MED16: variants seen among roughly 807,000 people sequenced by gnomAD.
MED16 encodes the protein mediator complex subunit 16.
A neutral mutation model predicts 84.4 loss-of-function variants in MED16; 81 were observed. The observed-to-expected ratio is 0.96, with a 90% CI of 0.80 to 1.15. The LOEUF is 1.15. MED16 is among the 50% of genes most tolerant of loss of function. MED16 has a pLI of 0.00. For synonymous variants in MED16, 897 were observed against 552.2 expected (o/e 1.62, Z -8.76); for missense variants, 1,585 against 1,245.9 (o/e 1.27, Z -4.10).
At chr19:871,327 GC>G in intron 12 of MED16, 74 bp from the exon 13 acceptor site, 1 of 1,439,212 alleles carries the variant, frequency 6.9e-7, no homozygotes, top group Non-Finnish European at 9.3e-7. Context: ...CGTGCTGGGA[GC>G]CCCTCCAGTT....
chr19:886,225 G>C, intron 4 of MED16, 24 bp from the exon 5 acceptor site: 1 of 1,489,872 alleles, frequency 6.7e-7, no homozygotes, highest in South Asian at 1.3e-5. Flanking sequence ...AGGGAGGGAG[G>C]AGGGGCCGCT....
chr19:883,595 A>T (rs1386641569), intron 6 of MED16, among the ~76,000 whole-genome samples: 3 of 152,044 alleles, frequency 2.0e-5, no homozygotes, highest in Admixed American at 6.5e-5. Flanking sequence ...CATGTGTGTG[A>T]GACGTGGCTC....
In MED16 at chr19:884,887, C is replaced by T. The variant is rs371786864; in HGVS notation, c.985+16G>A. On this transcript the variant is annotated intron_variant, in intron 6 of 15. Transcript: ENST00000325464. ...GAGGGCAGGCCCAGGGCCTCCGCAG[C>T]CGGCGGGAGACTCACCCACGGGGGA... The T allele has an allele frequency of 6.3e-7, 1 of 1,591,336 alleles. No individual in the cohort carries two copies. The highest frequency in any genetic ancestry group is 1.1e-5 in the South Asian group (1 of 89,036).
At position 875,390 on chromosome 19, in the gene MED16, G is replaced by C. The variant is rs1431015284; in HGVS notation, c.1625C>G (p.Thr542Ser). ...SLCKLSPCTV[T>S]RVCDYHTKLF... is the part of the protein sequence containing the mutation. ...CTTGGTGTGGTAGTCGCACACGCGG[G>C]TCACCGTGCAGGGCGACAGCTTGCA... The change falls in exon 10 of 16, where the codon ACC (threonine) becomes AGC (serine). Residue 542 changes from threonine to serine, a missense_variant. Coordinates refer to ENST00000325464, the MANE Select transcript of MED16 (RefSeq NM_005481.3). 6.2e-7 allele frequency: 1 copy of C among 1,608,520 alleles called. No homozygotes were observed. The highest frequency in any genetic ancestry group is 1.3e-5 in the African/African-American group (1 of 74,896).
chr19:883,611 C>A (rs1193894176), intron 6 of MED16, among the ~76,000 whole-genome samples: 3 of 152,038 alleles, frequency 2.0e-5, no homozygotes, highest in Non-Finnish European at 4.4e-5. Context: ...GGCTCTCGGG[C>A]GGGTAACAGC....
intron 9 of MED16, among the ~76,000 whole-genome samples, chr19:876,091 C>T (rs927711934): frequency 1.3e-5 from 2 of 152,200 alleles, no homozygotes; most frequent in Non-Finnish European, 2.9e-5. Context: ...TCGCAGCCCC[C>T]GCCTGGGTCT....
chr19:890,816 G>GCTCT (rs1362874659), intron 2 of MED16, 147 bp downstream of exon 2: 31 of 847,162 alleles, frequency 3.7e-5, no homozygotes, highest in Non-Finnish European at 3.3e-5. Context: ...GGAGGCTGAG[G>GCTCT]CTCTCACACA....
chr19:882,440 C>T (rs1001175664), intron 6 of MED16, among the ~76,000 whole-genome samples: 4 of 152,196 alleles, frequency 2.6e-5, no homozygotes, highest in Non-Finnish European at 5.9e-5. Flanking sequence ...GGTAGGATTG[C>T]TCGAGCCCAG....
Position 868,866 on chromosome 19 carries a change from G to C in MED16, c.2396C>G (p.Thr799Ser). Residue 799 changes from threonine to serine, a missense_variant, in exon 14 of 16, where the codon ACC becomes AGC. Physicochemically the swap from Thr to Ser is moderately conservative, Grantham distance 58. Transcript: ENST00000325464. ...ACPTEECKAC[T>S]RCGCVTMLKS... ...AGCGGTTCCGGGGGCCCCTCACCTG[G>C]TGCAGGCCTTGCATTCCTCCGTGGG... 2 of 1,548,786 alleles carry C rather than the reference G, an allele frequency of 1.3e-6. No homozygotes were observed. The highest frequency in any genetic ancestry group is 2.0e-5 in the Admixed American group (1 of 50,850).
chr19:878,714 C>T (rs1378959200), intron 8 of MED16, among the ~76,000 whole-genome samples: 39 of 135,768 alleles, frequency 2.9e-4, no homozygotes, highest in Admixed American at 1.6e-3. Context: ...AGCTCGCCTT[C>T]CCCTGGTTGT....
chr19:871,396 C>G, intron 12 of MED16, 143 bp from the exon 13 acceptor site: 1 of 1,302,772 alleles, frequency 7.7e-7, no homozygotes, highest in Non-Finnish European at 1.0e-6. Context: ...CCCCGGGGTT[C>G]TCTCACCAGG....
intron 10 of MED16, among the ~76,000 whole-genome samples, 192 bp from the exon 11 acceptor site, chr19:873,774 C>CA (rs1328935062): frequency 2.0e-5 from 3 of 152,222 alleles, no homozygotes; most frequent in African/African-American, 7.2e-5. Context: ...TGCCTGCCCC[C>CA]CCCCGGGGGC....
At chr19:872,381 G>GAGGCCAATATCCCC (rs1204603125) in intron 11 of MED16, among the ~76,000 whole-genome samples, 2 of 152,072 alleles carry the variant, frequency 1.3e-5, no homozygotes, top group African/African-American at 4.8e-5. Flanking sequence ...GGCTCTGGCT[G>GAGGCCAATATCCCC]AGGCCAATAT....
chr19:868,767 C>T, intron 14 of MED16, 96 bp downstream of exon 14: 1 of 1,351,808 alleles, frequency 7.4e-7, no homozygotes, highest in South Asian at 1.3e-5. Flanking sequence ...CCCTCCACCA[C>T]CCTTGACCGT....
In MED16 at chr19:884,911, G is replaced by T. The variant is rs772558453; in HGVS notation, c.977C>A (p.Ser326Tyr). The T allele has an allele frequency of 4.4e-6, 7 of 1,607,236 alleles. No homozygotes were observed. The highest frequency in any genetic ancestry group is 5.9e-6 in the Non-Finnish European group (7 of 1,178,550). ...GCCGGCGGGAGACTCACCCACGGGG[G>T]AGATCTGCTGGAAGATGTTGTTCAC... ...LPVNNIFQQI[S>Y]PVVGDKQPTI... Residue 326 changes from serine to tyrosine, a missense_variant, in exon 6 of 16, where the codon TCC (serine) becomes TAC (tyrosine). By Grantham distance (144) the Ser-to-Tyr change is moderately radical. Transcript: ENST00000325464.
At position 872,608 on chromosome 19, in the gene MED16, TG is replaced by T. The variant is rs570669644; in HGVS notation, c.1906-491del. 3.6e-4 allele frequency among the ~76,000 whole-genome samples: 21 copies of T among 58,382 alleles called. No homozygotes were observed. In the East Asian group the frequency reaches 9.5e-3, roughly 26 times the overall value. 38.3% of individuals were successfully genotyped at this position (58,382 alleles called of 152,430 possible). On this transcript the variant is annotated intron_variant, in intron 11 of 15. Transcript: ENST00000325464. ...CCAGGGCAGGATGAAGCCGGGTGGG[TG>T]GGGCAGAAGAAATCACAGCTGGGGC...
chr19:884,169 T>C (rs1238504590), intron 6 of MED16, among the ~76,000 whole-genome samples: 1 of 152,154 alleles, frequency 6.6e-6, no homozygotes, highest in African/African-American at 2.4e-5. Flanking sequence ...TGTGCTCTCA[T>C]CTACCGGGAA....
intron 6 of MED16, among the ~76,000 whole-genome samples, chr19:883,798 C>T (rs1401988612): frequency 6.6e-6 from 1 of 152,080 alleles, no homozygotes; most frequent in Non-Finnish European, 1.5e-5. Context: ...GCTGCAGGAG[C>T]CAGCGCAGCC....
chr19:880,170 T>G, intron 7 of MED16, 22 bp from the exon 8 acceptor site: 2 of 1,597,722 alleles, frequency 1.3e-6, no homozygotes, highest in Non-Finnish European at 1.7e-6. Context: ...AGGCACTGCT[T>G]AGACATGGGC....
Sources: allele counts gnomAD v4.1 joint callset (sites outside exome capture counted in the v4.1 genomes callset), GRCh38; gene constraint gnomAD v4.1.1; transcripts MANE v1.5; gene names NCBI Gene and HGNC (gene_info 2026-07-23, HGNC 2026-07-21).